Variants in SPAG16 observed in about 807,000 individuals in gnomAD.
The protein encoded by SPAG16 is sperm associated antigen 16.
SPAG16 carries 86 observed loss-of-function variants against 80.4 expected under a neutral mutation model. That is an observed-to-expected ratio of 1.07 (90% confidence interval 0.90 to 1.28). The LOEUF (loss-of-function observed/expected upper bound fraction) is 1.28, where lower values mean the gene tolerates loss of function less well. Among genes scored for constraint, SPAG16 ranks in the 50% most tolerant of loss-of-function variants. The pLI is 0.00. For synonymous variants in SPAG16, 294 were observed against 265.9 expected (o/e 1.11, Z -1.03); for missense variants, 870 against 765.3 (o/e 1.14, Z -1.61).
chr2:213,620,281 GTTTTTTTTTTTTTT>G (rs36059669), intron 10 of SPAG16, among the ~76,000 whole-genome samples: 1 of 82,802 alleles, frequency 1.2e-5, no homozygotes, highest in Non-Finnish European at 2.2e-5. Context: ...AATTTATTGA[GTTTTTTTTTTTTTT>G]TTTTTTTTTT....
chr2:213,935,557 TGGAGG>T (rs2078952240), intron 12 of SPAG16, among the ~76,000 whole-genome samples: 1 of 152,222 alleles, frequency 6.6e-6, no homozygotes, highest in East Asian at 1.9e-4. Flanking sequence ...TTAGTTTGCA[TGGAGG>T]TAATGCTTGT....
chr2:213,827,617 C>T lies in SPAG16; in HGVS notation c.1071-34868C>T, dbSNP rs556209484. Among the ~76,000 whole-genome samples, 3 of 152,146 alleles carry T rather than the reference C, an allele frequency of 2.0e-5. No homozygotes were observed. In the South Asian group the frequency reaches 6.2e-4, roughly 32 times the overall value. The stretch of plus-strand genomic sequence containing the variant: ...CCTGATTCTTTACTATTACCAGTGA[C>T]CTTTGTATCTTCAGATGATTTCTTA... On this transcript the variant is annotated intron_variant, in intron 10 of 15. Transcript: ENST00000331683.
At chr2:214,022,505 C>T (rs1394398210) in intron 13 of SPAG16, among the ~76,000 whole-genome samples, 1 of 152,040 alleles carries the variant, frequency 6.6e-6, no homozygotes, top group Non-Finnish European at 1.5e-5. Flanking sequence ...ATATGATGTG[C>T]CTAGAAAAGT....
At chr2:213,541,904 T>C (rs2076460575) in intron 10 of SPAG16, among the ~76,000 whole-genome samples, 2 of 152,190 alleles carry the variant, frequency 1.3e-5, no homozygotes, top group South Asian at 4.1e-4. Context: ...GGTTGACACG[T>C]AGTAGGCCTG....
At chr2:214,329,994 C>T (rs958654087) in intron 15 of SPAG16, among the ~76,000 whole-genome samples, 8 of 151,502 alleles carry the variant, frequency 5.3e-5, no homozygotes, top group East Asian at 1.9e-4. Flanking sequence ...AGGCTGGGTG[C>T]GGTGGCTCAT....
In SPAG16 at chr2:213,811,187, TA is replaced by T. The variant is rs77438451; in HGVS notation, c.1071-51296del. Among the ~76,000 whole-genome samples the T allele has an allele frequency of 4.4e-4, 67 of 152,334 alleles. 1 individual carries two copies. The East Asian group carries it at 0.013, about 28-fold the overall frequency. ...TTAAACAAAGATTTCTCTCTTTGTTTAACAGTAAGAACATTAAGGTTGGTGT... is the reference window on the plus strand; with the variant it reads ...TTAAACAAAGATTTCTCTCTTTGTTTACAGTAAGAACATTAAGGTTGGTGT... On this transcript the variant is annotated intron_variant, in intron 10 of 15. Transcript: ENST00000331683.
intron 10 of SPAG16, among the ~76,000 whole-genome samples, chr2:213,792,518 T>C (rs1293081327): frequency 6.6e-6 from 1 of 151,308 alleles, no homozygotes; most frequent in Non-Finnish European, 1.5e-5. Flanking sequence ...CTTAGGACAC[T>C]CTAGCAGCAT....
chr2:213,471,270 G>T (rs1157721788), intron 9 of SPAG16, among the ~76,000 whole-genome samples: 1 of 152,136 alleles, frequency 6.6e-6, no homozygotes, highest in East Asian at 1.9e-4. Flanking sequence ...GGCAGGAGGG[G>T]AGCATTTGAG....
intron 15 of SPAG16, among the ~76,000 whole-genome samples, chr2:214,400,154 G>A (rs1468079714): frequency 6.6e-6 from 1 of 151,966 alleles, no homozygotes; most frequent in Non-Finnish European, 1.5e-5. Flanking sequence ...TAATAGGGGG[G>A]AAATATTTTT....
chr2:213,689,528 CTTTTTTTTTTTTTTTT>C (rs397873153), intron 10 of SPAG16, among the ~76,000 whole-genome samples: 1,319 of 54,410 alleles, frequency 0.024, 63 homozygotes, highest in South Asian at 0.046. Context: ...AGTGCTGGGG[CTTTTTTTTTTTTTTTT>C]TTTTTTTTTT....
chr2:213,431,409 A>G (rs967606268), intron 9 of SPAG16, among the ~76,000 whole-genome samples: 1 of 152,086 alleles, frequency 6.6e-6, no homozygotes, highest in African/African-American at 2.4e-5. Flanking sequence ...CTGGTAAAAA[A>G]AAAAGATATT....
intron 10 of SPAG16, among the ~76,000 whole-genome samples, chr2:213,764,024 T>C (rs1183219517): frequency 6.6e-6 from 1 of 152,198 alleles, no homozygotes; most frequent in East Asian, 1.9e-4. Flanking sequence ...GCTCTCTCTT[T>C]TCAGAGTCAC....
At chr2:213,910,006 A>T (rs1377486583) in intron 11 of SPAG16, among the ~76,000 whole-genome samples, 2 of 152,220 alleles carry the variant, frequency 1.3e-5, no homozygotes, top group Non-Finnish European at 2.9e-5. Context: ...TTCTAATATA[A>T]TAATTTTATG....
chr2:213,679,701 A>G (rs563010781), intron 10 of SPAG16, among the ~76,000 whole-genome samples: 1 of 152,300 alleles, frequency 6.6e-6, no homozygotes, highest in East Asian at 1.9e-4. Flanking sequence ...TAACTTAAGA[A>G]TGGCATGATA....
chr2:213,761,018 C>T (rs1019561210), intron 10 of SPAG16, among the ~76,000 whole-genome samples: 1 of 152,164 alleles, frequency 6.6e-6, no homozygotes, highest in African/African-American at 2.4e-5. Flanking sequence ...TTATTTGGCT[C>T]CATCTCCTAA....
At chr2:213,980,725 T>TATAGAGAGAGAGAG (rs374274176) in intron 12 of SPAG16, among the ~76,000 whole-genome samples, 23 of 103,986 alleles carry the variant, frequency 2.2e-4, no homozygotes, top group African/African-American at 7.0e-4. Flanking sequence ...TATATATATA[T>TATAGAGAGAGAGAG]AGAGAGAGAG....
At chr2:214,205,647 A>G (rs1158782964) in intron 15 of SPAG16, among the ~76,000 whole-genome samples, 1 of 152,198 alleles carries the variant, frequency 6.6e-6, no homozygotes, top group East Asian at 1.9e-4. Context: ...CATAAATAAA[A>G]ATAAACAAAA....
At chr2:214,000,869 C>G (rs2046760206) in intron 12 of SPAG16, among the ~76,000 whole-genome samples, 1 of 152,032 alleles carries the variant, frequency 6.6e-6, no homozygotes, top group Non-Finnish European at 1.5e-5. Context: ...CCCTGGATAA[C>G]CTAAGCGTTT....
intron 14 of SPAG16, among the ~76,000 whole-genome samples, chr2:214,123,050 A>G (rs1212650096): frequency 6.6e-6 from 1 of 151,964 alleles, no homozygotes; most frequent in Non-Finnish European, 1.5e-5. Flanking sequence ...GAAAGAAAAT[A>G]ATTTCTAGTA....
Sources: gnomAD v4.1 joint callset for allele counts (sites outside exome capture counted in the v4.1 genomes callset) on GRCh38, gnomAD v4.1.1 for gene constraint, MANE v1.5 for transcripts, NCBI Gene and HGNC (gene_info 2026-07-23, HGNC 2026-07-21) for gene names.